RAP1GAP: variants seen among roughly 807,000 people sequenced by gnomAD.
The protein encoded by RAP1GAP is rap1 GTPase-activating protein 1.
In RAP1GAP, 35 loss-of-function variants were observed where a neutral mutation model predicts 87.2. The observed-to-expected ratio is 0.40, with a 90% CI of 0.31 to 0.53. RAP1GAP has a LOEUF of 0.53. Ranked by LOEUF, RAP1GAP falls within the 20% of genes least tolerant of loss-of-function variation. The pLI is 0.48. For missense variants in RAP1GAP, 734 were observed against 898.9 expected (o/e 0.82, Z 2.35); for synonymous variants, 375 against 363.9 (o/e 1.03, Z -0.35).
Position 21,609,035 on chromosome 1 carries a change from C to T in RAP1GAP, c.1072-99G>A. 2.0e-6 allele frequency: 2 copies of T among 1,016,758 alleles called. No individual in the cohort carries two copies. Among genetic ancestry groups the T allele is most frequent in the Non-Finnish European group, 3.1e-6 (2 of 646,384 alleles). 63.0% of individuals were successfully genotyped at this position (1,016,758 alleles called of 1,614,324 possible). ...CGAGGCAGAGGCTGCAGCTCCTGAA[C>T]CATGCTCTGCTGGGGCCTGGGGTCA... is the stretch of plus-strand genomic sequence containing the variant. On this transcript the variant is annotated intron_variant, in intron 15 of 24. Transcript: ENST00000374765. The surrounding 1 kb of genome is among the most constrained non-coding windows in gnomAD (Gnocchi z 4.4).
chr1:21,619,018 C>A lies in RAP1GAP; in HGVS notation c.66+7G>T. ...AGAGAGGGAGGCAGACTGCCAGGCC[C>A]ACCTACTTTGAGGGGCGGCGGGAAG... On this transcript the variant is annotated splice_region_variant and intron_variant, in intron 5 of 24. Transcript: ENST00000374765. The A allele has an allele frequency of 6.3e-7, 1 of 1,595,508 alleles. No homozygotes were observed. The highest frequency in any genetic ancestry group is 8.5e-7 in the Non-Finnish European group (1 of 1,169,900).
At chr1:21,598,711 CCACT>C (rs1033931225) in intron 21 of RAP1GAP, among the ~76,000 whole-genome samples, 4 of 152,236 alleles carry the variant, frequency 2.6e-5, no homozygotes, top group Non-Finnish European at 5.9e-5. Context: ...CCACCCACTG[CCACT>C]CACTCACTCA....
Position 21,609,550 on chromosome 1 carries a change from C to T in RAP1GAP, c.1071+25G>A. The T allele has an allele frequency of 1.4e-6, 2 of 1,427,710 alleles. No homozygotes were observed. The highest frequency in any genetic ancestry group is 1.9e-6 in the Non-Finnish European group (2 of 1,050,866). 88.4% of individuals were successfully genotyped at this position (1,427,710 alleles called of 1,614,324 possible). A position where few individuals can be genotyped will look rare whatever the true frequency, so the allele number is the denominator to read the frequency against. On this transcript the variant is annotated intron_variant, in intron 15 of 24. Transcript: ENST00000374765. This position sits in a 1 kb window ranked among gnomAD's most constrained non-coding sequence, Gnocchi z 4.4. ...CCCCCACCCATTTGTCCTGCTCTGCCCATGACTGGGGGGGTGCCCCTCACC... is the reference window on the plus strand; with the variant it reads ...CCCCCACCCATTTGTCCTGCTCTGCTCATGACTGGGGGGGTGCCCCTCACC...
chr1:21,665,689 C>T (rs2097319067), intron 1 of RAP1GAP, among the ~76,000 whole-genome samples: 1 of 152,226 alleles, frequency 6.6e-6, no homozygotes, highest in Admixed American at 6.5e-5. Context: ...ATATAGAGCA[C>T]ATTTTGAGGC....
Position 21,665,291 on chromosome 1 carries a change from G to C in RAP1GAP, c.-149+3963C>G, listed in dbSNP as rs552616373. 7 of 516,062 alleles carry C rather than the reference G, an allele frequency of 1.4e-5. No individual in the cohort carries two copies. In the Admixed American group the frequency reaches 1.4e-4, roughly 10 times the overall value. 32.0% of individuals were successfully genotyped at this position (516,062 alleles called of 1,614,324 possible). On this transcript the variant is annotated intron_variant, in intron 1 of 24. Coordinates refer to ENST00000374765, the MANE Select transcript of RAP1GAP (RefSeq NM_002885.4). ...CCTCCGAATGGGGGTCCGAGGGAGGGTGGCCTCGGTTGGCAGAGGTATTAA... is the reference window on the plus strand; with the variant it reads ...CCTCCGAATGGGGGTCCGAGGGAGGCTGGCCTCGGTTGGCAGAGGTATTAA...
At chr1:21,619,985 C>T (rs770244378) in intron 4 of RAP1GAP, 30 bp downstream of exon 4, 1 of 1,612,776 alleles carries the variant, frequency 6.2e-7, no homozygotes, top group Non-Finnish European at 8.5e-7. Context: ...CTCTGTGGCT[C>T]CCCAGAACAG....
At chr1:21,654,591 G>A (rs1558902147) in intron 1 of RAP1GAP, among the ~76,000 whole-genome samples, 1 of 152,146 alleles carries the variant, frequency 6.6e-6, no homozygotes, top group Non-Finnish European at 1.5e-5. Context: ...CCAGCACTTT[G>A]GGAGGCCGAA....
intron 5 of RAP1GAP, among the ~76,000 whole-genome samples, chr1:21,618,292 A>G (rs776690122): frequency 2.2e-4 from 34 of 152,274 alleles, no homozygotes; most frequent in Non-Finnish European, 4.0e-4. Flanking sequence ...CATTCCTCAC[A>G]GGCTCCCAGG....
In RAP1GAP at chr1:21,626,326, T is replaced by C. The variant is rs1485269444; in HGVS notation, c.-41A>G. On this transcript the variant is annotated 5_prime_UTR_variant, in exon 3 of 25. Coordinates refer to ENST00000374765, the MANE Select transcript of RAP1GAP (RefSeq NM_002885.4). ...TACCTTAGGGTAGAGTGAAGGAGTA[T>C]AGGAGGGAACTAAGTTCACTCGTGA... The C allele has an allele frequency of 1.2e-6, 2 of 1,610,634 alleles. No individual in the cohort carries two copies. Among genetic ancestry groups the C allele is most frequent in the Admixed American group, 1.7e-5 (1 of 60,008 alleles).
At chr1:21,643,660 G>C (rs576382921) in intron 2 of RAP1GAP, among the ~76,000 whole-genome samples, 1 of 151,916 alleles carries the variant, frequency 6.6e-6, no homozygotes, top group African/African-American at 2.4e-5. Context: ...TATCACTAGA[G>C]AATCTCTCTT....
intron 1 of RAP1GAP, among the ~76,000 whole-genome samples, chr1:21,659,354 G>A (rs993650763): frequency 6.6e-6 from 1 of 152,116 alleles, no homozygotes; most frequent in Non-Finnish European, 1.5e-5. Context: ...TCAGAGAAGG[G>A]TGGGGACCCG....
chr1:21,607,241 C>T (rs2075271139), intron 17 of RAP1GAP, among the ~76,000 whole-genome samples: 1 of 152,218 alleles, frequency 6.6e-6, no homozygotes, highest in Non-Finnish European at 1.5e-5. Flanking sequence ...AACTACTCCA[C>T]TCCCCACACT....
At chr1:21,602,975 T>A in intron 18 of RAP1GAP, 62 bp from the exon 19 acceptor site, 2 of 1,255,570 alleles carry the variant, frequency 1.6e-6, no homozygotes, top group Non-Finnish European at 2.3e-6. Flanking sequence ...CCCCCCCACA[T>A]CCCCTCTGGG....
rs1400532042 is a variant in RAP1GAP at position 21,617,429 on chromosome 1, A to T, written c.168T>A (p.Ile56=). 2.5e-6 allele frequency: 4 copies of T among 1,605,940 alleles called. No individual in the cohort carries two copies. The East Asian group carries it at 9.0e-5, about 36-fold the overall frequency. The change falls in exon 7 of 25, where the codon ATT becomes ATA. Residue 56 remains isoleucine, a synonymous_variant. Coordinates refer to ENST00000374765, the MANE Select transcript of RAP1GAP (RefSeq NM_002885.4). ...ILLPQFGGYW[I]EGTNHEITSI... ...TGGTGATTTCGTGGTTGGTGCCCTC[A>T]ATCCAGTAGCCCCCAAACTGGGGCA...
At chr1:21,667,867 T>C (rs1406293802) in intron 1 of RAP1GAP, among the ~76,000 whole-genome samples, 2 of 152,146 alleles carry the variant, frequency 1.3e-5, no homozygotes, top group Non-Finnish European at 2.9e-5. Flanking sequence ...GATTAATCAT[T>C]ACCCTGGAAC....
intron 4 of RAP1GAP, 22 bp from the exon 5 acceptor site, chr1:21,619,094 T>G: frequency 6.3e-7 from 1 of 1,587,994 alleles, no homozygotes; most frequent in Non-Finnish European, 8.6e-7. Flanking sequence ...GGCAGCACTG[T>G]TACACCCTCC....
At position 21,603,142 on chromosome 1, in the gene RAP1GAP, A is replaced by G. The variant is rs1247479771; in HGVS notation, c.1429-229T>C. On this transcript the variant is annotated intron_variant, in intron 18 of 24. Coordinates refer to ENST00000374765, the MANE Select transcript of RAP1GAP (RefSeq NM_002885.4). This position sits in a 1 kb window ranked among gnomAD's most constrained non-coding sequence, Gnocchi z 6.0. Reference sequence around the variant, plus strand: ...GCTCACACGGCAGGACTGCACGTCAATACTGGCCCAGGATTAGGACAGCAT... The same window carrying G: ...GCTCACACGGCAGGACTGCACGTCAGTACTGGCCCAGGATTAGGACAGCAT... 1 of 538,732 alleles carries G rather than the reference A, an allele frequency of 1.9e-6. No individual in the cohort carries two copies. Among genetic ancestry groups the G allele is most frequent in the East Asian group, 3.0e-5 (1 of 33,098 alleles). The allele number at this position is 538,732 out of a possible 1,614,324, so 33.4% of individuals were successfully genotyped here. A position where few individuals can be genotyped will look rare whatever the true frequency, so the allele number is the denominator to read the frequency against.
At chr1:21,663,581 T>C (rs1373832929) in intron 1 of RAP1GAP, among the ~76,000 whole-genome samples, 2 of 152,118 alleles carry the variant, frequency 1.3e-5, no homozygotes, top group Non-Finnish European at 2.9e-5. Flanking sequence ...ATCAGCCACC[T>C]CCACCCTACC....
At position 21,613,476 on chromosome 1, in the gene RAP1GAP, A is replaced by C; in HGVS notation, c.474+152T>G. On this transcript the variant is annotated intron_variant, in intron 9 of 24. Coordinates refer to ENST00000374765, the MANE Select transcript of RAP1GAP (RefSeq NM_002885.4). The surrounding 1 kb of genome is among the most constrained non-coding windows in gnomAD (Gnocchi z 4.7). The stretch of plus-strand genomic sequence containing the variant: ...AGGAGAACACGTGGCAGCCCAAGAC[A>C]CGATGGGAACAAGTGAGAGACAGCC... 1 of 818,066 alleles carries C rather than the reference A, an allele frequency of 1.2e-6. No individual in the cohort carries two copies. The highest frequency in any genetic ancestry group is 2.0e-6 in the Non-Finnish European group (1 of 495,024). 50.7% of individuals were successfully genotyped at this position (818,066 alleles called of 1,614,324 possible).
Sources: gnomAD v4.1 joint callset for allele counts (sites outside exome capture counted in the v4.1 genomes callset) on GRCh38, gnomAD v4.1.1 for gene constraint, Gnocchi (gnomAD v3.1) non-coding constraint, MANE v1.5 for transcripts, NCBI Gene and HGNC (gene_info 2026-07-23, HGNC 2026-07-21) for gene names.